Variants in NELL1 observed in about 807,000 individuals in gnomAD.
NELL1 encodes protein kinase C-binding protein NELL1.
A neutral mutation model predicts 107.4 loss-of-function variants in NELL1; 76 were observed. The observed-to-expected ratio is 0.71, with a 90% CI of 0.59 to 0.86. NELL1 has a LOEUF of 0.86. Ranked by LOEUF, NELL1 falls within the 40% of genes least tolerant of loss-of-function variation. NELL1 has a pLI of 0.00. For missense variants in NELL1, 1,024 were observed against 1,005.5 expected, an observed-to-expected ratio of 1.02 and a Z score of -0.25; for synonymous variants, 353 against 341.2, an observed-to-expected ratio of 1.03 and a Z score of -0.38.
At chr11:21,217,221 C>T (rs781652530) in intron 13 of NELL1, among the ~76,000 whole-genome samples, 5 of 152,110 alleles carry the variant, frequency 3.3e-5, no homozygotes, top group East Asian at 1.9e-4. Flanking sequence ...TCCTGAGCCA[C>T]GTTTAACTGT....
chr11:21,148,507 G>A (rs991728430), intron 13 of NELL1, among the ~76,000 whole-genome samples: 2 of 152,304 alleles, frequency 1.3e-5, no homozygotes, highest in South Asian at 2.1e-4. Context: ...AAGTCAAGCT[G>A]CCTCTGCTTT....
intron 12 of NELL1, among the ~76,000 whole-genome samples, chr11:21,024,590 A>T (rs528872089): frequency 6.6e-6 from 1 of 152,252 alleles, no homozygotes; most frequent in South Asian, 2.1e-4. Flanking sequence ...AATGCCTGGC[A>T]TAGTAAGAGC....
intron 13 of NELL1, among the ~76,000 whole-genome samples, chr11:21,221,051 C>T (rs11822550): frequency 5.5e-4 from 83 of 152,226 alleles, no homozygotes; most frequent in African/African-American, 1.8e-3. Flanking sequence ...GATTCTATGC[C>T]TAATTCATTG....
rs185749090 is a variant in NELL1, at chr11:21,157,289, A to G, written c.1426+43575A>G. 9.9e-5 allele frequency among the ~76,000 whole-genome samples: 15 copies of G among 152,142 alleles called. No individual in the cohort carries two copies. The East Asian group carries it at 2.7e-3, about 27-fold the overall frequency. ...ATGCTTGTCCTTGCTGACTCACTCA[A>G]TCTGATTATCTCTACAGTATTTCAT... is the stretch of plus-strand genomic sequence containing the variant. On this transcript the variant is annotated intron_variant, in intron 13 of 19. Transcript: ENST00000357134.
At chr11:21,146,664 G>A (rs558834401) in intron 13 of NELL1, among the ~76,000 whole-genome samples, 234 of 152,274 alleles carry the variant, frequency 1.5e-3, no homozygotes, top group African/African-American at 5.4e-3. Flanking sequence ...TGGGTGGATG[G>A]CAAATAAATG....
At chr11:21,117,588 T>G (rs1308592022) in intron 13 of NELL1, among the ~76,000 whole-genome samples, 1 of 152,000 alleles carries the variant, frequency 6.6e-6, no homozygotes, top group Admixed American at 6.6e-5. Context: ...CTTTTATCAG[T>G]AAGGATAGGA....
At chr11:20,852,312 A>G (rs1362577002) in intron 4 of NELL1, among the ~76,000 whole-genome samples, 3 of 152,224 alleles carry the variant, frequency 2.0e-5, no homozygotes, top group Non-Finnish European at 4.4e-5. Context: ...TTATCCATAG[A>G]GCACATCCAA....
At chr11:21,282,865 A>T (rs942915099) in intron 14 of NELL1, among the ~76,000 whole-genome samples, 5 of 152,346 alleles carry the variant, frequency 3.3e-5, no homozygotes, top group South Asian at 2.1e-4. Context: ...AGATCCTATC[A>T]TTTGCAACAA....
intron 14 of NELL1, among the ~76,000 whole-genome samples, chr11:21,281,786 T>A (rs1270390115): frequency 6.6e-6 from 1 of 152,216 alleles, no homozygotes; most frequent in Non-Finnish European, 1.5e-5. Context: ...GGATCTCATC[T>A]AAGACCATTA....
intron 5 of NELL1, among the ~76,000 whole-genome samples, chr11:20,901,874 A>G (rs1849881981): frequency 1.3e-5 from 2 of 152,132 alleles, no homozygotes; most frequent in South Asian, 4.1e-4. Flanking sequence ...TCATCAATAC[A>G]TGGTTAGGAA....
chr11:20,685,554 T>A (rs985791968), intron 2 of NELL1, among the ~76,000 whole-genome samples: 1 of 152,104 alleles, frequency 6.6e-6, no homozygotes, highest in African/African-American at 2.4e-5. Flanking sequence ...GCTCTCCATC[T>A]CAAAGTACTT....
At chr11:21,373,136 A>G (rs929851779) in intron 15 of NELL1, among the ~76,000 whole-genome samples, 1 of 152,130 alleles carries the variant, frequency 6.6e-6, no homozygotes, top group Non-Finnish European at 1.5e-5. Flanking sequence ...CTTCATCTGT[A>G]GCAAAGTCAT....
chr11:20,853,271 G>T (rs148517211), intron 4 of NELL1, among the ~76,000 whole-genome samples: 9 of 152,288 alleles, frequency 5.9e-5, no homozygotes, highest in Non-Finnish European at 1.3e-4. Context: ...GAAAAGGAAA[G>T]ATTTGTCTTC....
intron 9 of NELL1, 88 bp downstream of exon 9, chr11:20,928,567 A>C: frequency 9.9e-7 from 1 of 1,011,436 alleles, no homozygotes; most frequent in Non-Finnish European, 1.5e-6. Context: ...CAACTGATTG[A>C]CATTGATGAA....
intron 14 of NELL1, among the ~76,000 whole-genome samples, chr11:21,274,815 A>T (rs1848819272): frequency 6.6e-6 from 1 of 152,216 alleles, no homozygotes; most frequent in African/African-American, 2.4e-5. Flanking sequence ...TACGTAACGA[A>T]ATGAAGGCAG....
At chr11:21,372,329 T>C (rs1851375349) in intron 15 of NELL1, among the ~76,000 whole-genome samples, 1 of 151,834 alleles carries the variant, frequency 6.6e-6, no homozygotes, top group African/African-American at 2.4e-5. Flanking sequence ...GTAGAACTGC[T>C]GTATTTCCCT....
intron 9 of NELL1, among the ~76,000 whole-genome samples, chr11:20,933,054 C>G (rs1850650888): frequency 6.6e-6 from 1 of 152,066 alleles, no homozygotes; most frequent in Non-Finnish European, 1.5e-5. Context: ...GGAAATAAAC[C>G]AGTGTTGGTT....
intron 2 of NELL1, among the ~76,000 whole-genome samples, chr11:20,696,694 T>TA (rs1274406295): frequency 6.6e-6 from 1 of 152,156 alleles, no homozygotes; most frequent in East Asian, 1.9e-4. Context: ...GTCTACATCT[T>TA]ACCATTTATT....
chr11:20,695,413 G>C (rs908426481), intron 2 of NELL1, among the ~76,000 whole-genome samples: 2 of 152,068 alleles, frequency 1.3e-5, no homozygotes, highest in African/African-American at 2.4e-5. Context: ...TGTCCAATAC[G>C]ATGGTGGCTA....
Sources: allele counts gnomAD v4.1 joint callset (sites outside exome capture counted in the v4.1 genomes callset), GRCh38; gene constraint gnomAD v4.1.1; transcripts MANE v1.5; gene names NCBI Gene and HGNC (gene_info 2026-07-23, HGNC 2026-07-21).